The following SLC9C1 variants were observed in gnomAD, a reference collection of about 807,000 sequenced individuals.
SLC9C1 encodes the protein solute carrier family 9 member C1, also known as sodium/hydrogen exchanger 10.
Under a neutral mutation model 140.9 loss-of-function variants are expected in SLC9C1, and 97 were observed. That is an observed-to-expected ratio of 0.69 (90% CI 0.58 to 0.82). SLC9C1 has a LOEUF of 0.82. Ranked by LOEUF, SLC9C1 falls within the 40% of genes least tolerant of loss-of-function variation. The probability of loss-of-function intolerance (pLI) is 0.00; values close to 1 mark genes in which losing one functional copy is unlikely to be tolerated. For missense variants in SLC9C1, 1,340 were observed against 1,389.3 expected (o/e 0.96, Z 0.56); for synonymous variants, 440 against 442.6 (o/e 0.99, Z 0.07).
chr3:112,218,672 A>G (rs1439661423), intron 14 of SLC9C1, among the ~76,000 whole-genome samples: 1 of 152,230 alleles, frequency 6.6e-6, no homozygotes. Context: ...GCAGCAGACT[A>G]GTGGGATGAA....
At chr3:112,216,589 A>G (rs1446325998) in intron 15 of SLC9C1, among the ~76,000 whole-genome samples, 1 of 152,064 alleles carries the variant, frequency 6.6e-6, no homozygotes, top group Admixed American at 6.6e-5. Context: ...TTATGCAGCC[A>G]AAAGACACAT....
At chr3:112,188,726 T>A (rs894087740) in intron 20 of SLC9C1, among the ~76,000 whole-genome samples, 4 of 152,206 alleles carry the variant, frequency 2.6e-5, no homozygotes, top group Non-Finnish European at 5.9e-5. Context: ...AGCAGCATGA[T>A]TTATAATCCT....
chr3:112,171,004 A>C (rs1343491034), intron 23 of SLC9C1, among the ~76,000 whole-genome samples: 1 of 152,194 alleles, frequency 6.6e-6, no homozygotes, highest in Non-Finnish European at 1.5e-5. Context: ...CCCTGAGGTC[A>C]GGAGTTGGAG....
intron 20 of SLC9C1, chr3:112,185,875 C>T (rs1367446987): frequency 3.8e-6 from 6 of 1,588,782 alleles, no homozygotes; most frequent in East Asian, 4.5e-5. Flanking sequence ...TCCCACTCGC[C>T]AGGCGGCAGG....
intron 3 of SLC9C1, 87 bp downstream of exon 3, chr3:112,280,596 G>T: frequency 9.1e-7 from 1 of 1,098,496 alleles, no homozygotes; most frequent in Non-Finnish European, 1.3e-6. Context: ...GTGAGGGGAT[G>T]AATAACTTTT....
In SLC9C1 at chr3:112,269,985, T is replaced by G; in HGVS notation, c.706A>C (p.Thr236Pro). 1.2e-6 allele frequency: 2 copies of G among 1,601,096 alleles called. No individual in the cohort carries two copies. The highest frequency in any genetic ancestry group is 1.3e-5 in the African/African-American group (1 of 74,420). Residue 236 changes from threonine (T) to proline (P), a missense_variant, in exon 7 of 29, where the codon ACT becomes CCT. By Grantham distance (38) the Thr-to-Pro change is conservative (BLOSUM62 -1). Transcript: ENST00000305815. ...TGATTGACATCATCACCAAAAACAGTTGACATCCAAAATTGAATCAGTTTT... is the reference window on the plus strand; with the variant it reads ...TGATTGACATCATCACCAAAAACAGGTGACATCCAAAATTGAATCAGTTTT... ...SSKLIQFWMS[T>P]VFGDDVNHIS... is the part of the protein sequence containing the mutation.
intron 23 of SLC9C1, among the ~76,000 whole-genome samples, chr3:112,178,906 A>T (rs535537896): frequency 6.6e-6 from 1 of 152,346 alleles, no homozygotes; most frequent in African/African-American, 2.4e-5. Context: ...CTACTTTGAA[A>T]GAGTTCATAG....
chr3:112,270,992 A>G (rs2080056992), intron 6 of SLC9C1, among the ~76,000 whole-genome samples: 1 of 152,214 alleles, frequency 6.6e-6, no homozygotes, highest in South Asian at 2.1e-4. Flanking sequence ...TTTGTCCTCA[A>G]AAAAGAAGGA....
At chr3:112,291,767 G>A (rs1327957167) in intron 1 of SLC9C1, among the ~76,000 whole-genome samples, 1 of 152,154 alleles carries the variant, frequency 6.6e-6, no homozygotes, top group East Asian at 1.9e-4. Context: ...CCATTACGGG[G>A]TATAAACACA....
intron 15 of SLC9C1, among the ~76,000 whole-genome samples, chr3:112,211,204 T>G (rs1005781741): frequency 6.6e-6 from 1 of 152,196 alleles, no homozygotes; most frequent in African/African-American, 2.4e-5. Context: ...CAAAATATTT[T>G]GCAAAATATT....
At chr3:112,263,839 A>G (rs1055300702) in intron 9 of SLC9C1, among the ~76,000 whole-genome samples, 1 of 151,904 alleles carries the variant, frequency 6.6e-6, no homozygotes, top group Admixed American at 6.6e-5. Flanking sequence ...TGATATTTAA[A>G]AAGCAATTTC....
intron 16 of SLC9C1, 81 bp from the exon 17 acceptor site, chr3:112,204,484 T>C (rs1486648334): frequency 1.4e-6 from 2 of 1,432,036 alleles, no homozygotes; most frequent in Middle Eastern, 1.8e-4. Flanking sequence ...TTAAACATCA[T>C]GTTAGGCTTT....
At chr3:112,288,790 T>A (rs2080595114) in intron 1 of SLC9C1, among the ~76,000 whole-genome samples, 1 of 152,078 alleles carries the variant, frequency 6.6e-6, no homozygotes, top group South Asian at 2.1e-4. Context: ...GCGGTCAGAC[T>A]ACTTGCATTC....
chr3:112,191,255 G>A (rs968752374), intron 20 of SLC9C1, among the ~76,000 whole-genome samples: 3 of 151,928 alleles, frequency 2.0e-5, no homozygotes, highest in Non-Finnish European at 4.4e-5. Flanking sequence ...AAATAAGTGG[G>A]GAGAGAGGAC....
At chr3:112,204,513 T>A (rs1384219771) in intron 16 of SLC9C1, 110 bp from the exon 17 acceptor site, 4 of 1,179,488 alleles carry the variant, frequency 3.4e-6, no homozygotes, top group Admixed American at 6.0e-5. Flanking sequence ...CTACTCCACA[T>A]GTATGAAATA....
chr3:112,235,270 CTGTT>C (rs1487712962), intron 12 of SLC9C1, among the ~76,000 whole-genome samples: 2 of 121,402 alleles, frequency 1.6e-5, no homozygotes, highest in African/African-American at 6.1e-5. Context: ...ATTTGGCCCT[CTGTT>C]TGTTTGTTAT....
chr3:112,265,335 C>T (rs1213881104), intron 8 of SLC9C1, among the ~76,000 whole-genome samples: 1 of 152,022 alleles, frequency 6.6e-6, no homozygotes, highest in Non-Finnish European at 1.5e-5. Context: ...ATATATATAA[C>T]TAATACTTGT....
chr3:112,150,612 A>C (rs1220394582), intron 28 of SLC9C1, among the ~76,000 whole-genome samples: 1 of 152,022 alleles, frequency 6.6e-6, no homozygotes, highest in South Asian at 2.1e-4. Context: ...GCTGAGGCAC[A>C]TTGAAAGCCT....
chr3:112,272,369 A>T (rs1049577210), intron 6 of SLC9C1, among the ~76,000 whole-genome samples: 2 of 152,182 alleles, frequency 1.3e-5, no homozygotes, highest in African/African-American at 4.8e-5. Flanking sequence ...AATTTCTAGC[A>T]CTCAAATTGG....
Sources: allele counts gnomAD v4.1 joint callset (sites outside exome capture counted in the v4.1 genomes callset), GRCh38; gene constraint gnomAD v4.1.1; transcripts MANE v1.5; gene names NCBI Gene and HGNC (gene_info 2026-07-23, HGNC 2026-07-21).